DOP1B: variants seen among roughly 807,000 people sequenced by gnomAD.
DOP1B encodes the protein DOP1 leucine zipper like protein B.
A neutral mutation model predicts 233.5 loss-of-function variants in DOP1B; 174 were observed. The ratio of observed to expected loss-of-function variants is 0.75; its 90% CI spans 0.66 to 0.85. The LOEUF (loss-of-function observed/expected upper bound fraction) is 0.85, where lower values mean the gene tolerates loss of function less well. Ranked by LOEUF, DOP1B falls within the 40% of genes least tolerant of loss-of-function variation. The pLI, the probability that DOP1B is intolerant of heterozygous loss-of-function variation, is 0.00. For synonymous variants in DOP1B, 1,190 were observed against 1,185.6 expected (o/e 1.00, Z -0.08); for missense variants, 2,652 against 2,846.6 (o/e 0.93, Z 1.56).
intron 21 of DOP1B, among the ~76,000 whole-genome samples, 160 bp downstream of exon 21, chr21:36,248,728 G>A (rs148723767): frequency 4.7e-4 from 71 of 152,328 alleles, no homozygotes; most frequent in African/African-American, 1.7e-3. Context: ...TTATCAGTAA[G>A]TTTCCTATAC....
At chr21:36,277,243 C>A in intron 28 of DOP1B, 143 bp downstream of exon 28, 1 of 745,180 alleles carries the variant, frequency 1.3e-6, no homozygotes, top group Non-Finnish European at 2.2e-6. Flanking sequence ...GCATTGGCCT[C>A]AAGCTGCACC....
chr21:36,224,540 C>T (rs1472102635), intron 11 of DOP1B, among the ~76,000 whole-genome samples: 2 of 134,152 alleles, frequency 1.5e-5, no homozygotes, highest in Non-Finnish European at 3.4e-5. Context: ...AGCTGACTCT[C>T]CATCTTTGCA....
intron 35 of DOP1B, among the ~76,000 whole-genome samples, chr21:36,290,574 G>A (rs2067544145): frequency 6.6e-6 from 1 of 152,190 alleles, no homozygotes; most frequent in African/African-American, 2.4e-5. Context: ...CAAGGTGGTT[G>A]GATCACCTGA....
At chr21:36,200,830 C>G (rs1247453065) in intron 4 of DOP1B, among the ~76,000 whole-genome samples, 4 of 149,462 alleles carry the variant, frequency 2.7e-5, no homozygotes, top group East Asian at 2.0e-4. Flanking sequence ...ACAACAGAGA[C>G]TCTGTCTCGA....
intron 26 of DOP1B, among the ~76,000 whole-genome samples, chr21:36,266,981 C>T (rs1380898590): frequency 1.3e-5 from 2 of 152,182 alleles, no homozygotes; most frequent in Admixed American, 6.6e-5. Flanking sequence ...TTAGCCAATT[C>T]GCCACTTCCC....
Position 36,239,747 on chromosome 21 carries a change from G to A in DOP1B, c.2877-18G>A, listed in dbSNP as rs1256996121. ...GGGGTGGCTGCGAGTGAACTCACTGGTGTGTTTCCCACTGCAGGTCCTTGT... is the reference window on the plus strand; with the variant it reads ...GGGGTGGCTGCGAGTGAACTCACTGATGTGTTTCCCACTGCAGGTCCTTGT... On this transcript the variant is annotated intron_variant, in intron 17 of 36. Transcript: ENST00000691173. The A allele has an allele frequency of 2.6e-6, 4 of 1,518,738 alleles. No homozygotes were observed. Among genetic ancestry groups the A allele is most frequent in the East Asian group, 2.5e-5 (1 of 40,336 alleles). The allele number at this position is 1,518,738 out of a possible 1,614,324, so 94.1% of individuals were successfully genotyped here. A position where few individuals can be genotyped will look rare whatever the true frequency, so the allele number is the denominator to read the frequency against.
intron 4 of DOP1B, among the ~76,000 whole-genome samples, chr21:36,207,376 G>A (rs970481765): frequency 3.3e-5 from 5 of 151,714 alleles, no homozygotes; most frequent in Non-Finnish European, 7.4e-5. Flanking sequence ...ATAGAGATGG[G>A]GTTTCACCAT....
chr21:36,226,756 G>C (rs1279994936), intron 12 of DOP1B, among the ~76,000 whole-genome samples: 3 of 152,014 alleles, frequency 2.0e-5, no homozygotes, highest in Non-Finnish European at 2.9e-5. Flanking sequence ...ACCACATCTG[G>C]ATAGTTTTAG....
chr21:36,209,631 A>G (rs1485425259), intron 5 of DOP1B, among the ~76,000 whole-genome samples: 2 of 148,810 alleles, frequency 1.3e-5, no homozygotes, highest in African/African-American at 2.5e-5. Context: ...TCTTGTCTCC[A>G]TTGGCTGCTC....
intron 18 of DOP1B, among the ~76,000 whole-genome samples, chr21:36,240,456 G>A (rs2066880825): frequency 1.3e-5 from 2 of 152,074 alleles, no homozygotes; most frequent in Non-Finnish European, 2.9e-5. Flanking sequence ...CTCCAGCCTG[G>A]GTGACAGAGA....
chr21:36,230,612 T>A lies in DOP1B; in HGVS notation c.1828T>A (p.Ser610Thr), dbSNP rs1202832137. 1 of 1,614,186 alleles carries A rather than the reference T, an allele frequency of 6.2e-7. No individual in the cohort carries two copies. Among genetic ancestry groups the A allele is most frequent in the Non-Finnish European group, 8.5e-7 (1 of 1,180,030 alleles). Residue 610 changes from serine to threonine, a missense_variant, in exon 14 of 37, where the codon TCT becomes ACT. By Grantham distance (58) the Ser-to-Thr change is moderately conservative. Coordinates refer to ENST00000691173, the MANE Select transcript of DOP1B (RefSeq NM_001320714.2). The stretch of plus-strand genomic sequence containing the variant: ...TGAGCACTTGAGGGTTCCTCGAGTT[T>A]CTCTGGAAAGGGACGACGTTTGGAA... ...LSEHLRVPRV[S>T]LERDDVWKKG...
At chr21:36,195,399 T>C (rs1601401638) in intron 2 of DOP1B, among the ~76,000 whole-genome samples, 1 of 140,116 alleles carries the variant, frequency 7.1e-6, no homozygotes. Flanking sequence ...CAGGGTGTGG[T>C]GGTGCACGCC....
At position 36,279,090 on chromosome 21, in the gene DOP1B, T is replaced by A. The variant is rs116471503; in HGVS notation, c.5969+735T>A. ...TCCACTGAGACTCAGATGCAAGATG[T>A]GCTCCTGGGCCTTTTCCTGAGATAA... On this transcript the variant is annotated intron_variant, in intron 30 of 36. Transcript: ENST00000691173. Among the ~76,000 whole-genome samples the A allele has an allele frequency of 9.1e-3, 1,381 of 151,928 alleles. 23 individuals carry two copies. Among genetic ancestry groups the A allele is most frequent in the African/African-American group, 0.032 (1,312 of 41,432 alleles).
intron 2 of DOP1B, among the ~76,000 whole-genome samples, chr21:36,191,491 G>T (rs1366328249): frequency 1.3e-5 from 2 of 152,112 alleles, no homozygotes; most frequent in African/African-American, 4.8e-5. Context: ...TGTCACTCAA[G>T]AATTCATGGC....
intron 5 of DOP1B, 108 bp downstream of exon 5, chr21:36,209,012 G>A: frequency 8.0e-7 from 1 of 1,252,844 alleles, no homozygotes; most frequent in Non-Finnish European, 1.0e-6. Flanking sequence ...AGGAAAGGGA[G>A]GTGCACCAAG....
At chr21:36,242,151 C>CATTATTATTATTATTATTATTATTATT (rs78154894) in intron 18 of DOP1B, among the ~76,000 whole-genome samples, 2 of 143,962 alleles carry the variant, frequency 1.4e-5, no homozygotes, top group South Asian at 2.3e-4. Context: ...GTTCCTTGGG[C>CATTATTATTATTATTATTATTATTATT]ATTATTATTA....
At chr21:36,269,656 A>G (rs1456254004) in intron 26 of DOP1B, among the ~76,000 whole-genome samples, 1 of 151,722 alleles carries the variant, frequency 6.6e-6, no homozygotes. Context: ...GAGTACTGGG[A>G]CTACAGGCAT....
At chr21:36,200,717 T>C (rs2066354159) in intron 4 of DOP1B, among the ~76,000 whole-genome samples, 1 of 151,738 alleles carries the variant, frequency 6.6e-6, no homozygotes, top group Non-Finnish European at 1.5e-5. Flanking sequence ...GTGGCGGGCG[T>C]CTGTAGTCCC....
At position 36,246,372 on chromosome 21, in the gene DOP1B, C is replaced by G. The variant is rs759156303; in HGVS notation, c.4392C>G (p.Asn1464Lys). The change falls in exon 19 of 37, where the codon AAC becomes AAG. Residue 1464 changes from asparagine to lysine, a missense_variant. Asn to Lys is a moderately conservative substitution (Grantham distance 94). This residue lies in a region of DOP1B where 2,617 missense variants were observed against 2,794.3 expected (regional missense o/e 0.94). Transcript: ENST00000691173. This position sits in a 1 kb window ranked among gnomAD's most constrained non-coding sequence, Gnocchi z 5.1. ...GTCGGGCCCATGAGGAGGCGGAAAA[C>G]CAGCCCGACCTGTCCCGGGAGTGGC... is the stretch of plus-strand genomic sequence containing the variant. Reference protein sequence around the residue: ...HLGRAHEEAENQPDLSREWQR... With the variant: ...HLGRAHEEAEKQPDLSREWQR... 9 of 1,613,498 alleles carry G rather than the reference C, an allele frequency of 5.6e-6. No individual in the cohort carries two copies. Among genetic ancestry groups the G allele is most frequent in the Non-Finnish European group, 7.6e-6 (9 of 1,179,866 alleles).
Sources: allele counts gnomAD v4.1 joint callset (sites outside exome capture counted in the v4.1 genomes callset), GRCh38; gene constraint gnomAD v4.1.1; regional missense constraint gnomAD v4.1.1; non-coding constraint Gnocchi (gnomAD v3.1); transcripts MANE v1.5; gene names NCBI Gene and HGNC (gene_info 2026-07-23, HGNC 2026-07-21).